The following OXR1 variants were observed in gnomAD, a reference collection of about 807,000 sequenced individuals.
The protein encoded by OXR1 is oxidation resistance 1.
OXR1 carries 41 observed loss-of-function variants against 104.6 expected under a neutral mutation model. The observed-to-expected ratio is 0.39, with a 90% CI of 0.31 to 0.51. OXR1 has a LOEUF of 0.51. OXR1 is among the 20% of genes least tolerant of loss of function. OXR1 has a pLI of 0.77. For synonymous variants in OXR1, 348 were observed against 348.4 expected (o/e 1.00, Z 0.01); for missense variants, 955 against 1,031.9 (o/e 0.93, Z 1.02).
rs1448032775 is a variant in OXR1, at chr8:106,277,429, C to T, written c.-139+7062C>T. The stretch of plus-strand genomic sequence containing the variant: ...CTGGCACCCTCTTTGTCCTTGTACT[C>T]TGCTAATTCCACCACACTTCAGCTG... On this transcript the variant is annotated intron_variant, in intron 1 of 16. Transcript: ENST00000517566. Among the ~76,000 whole-genome samples, 3 of 152,216 alleles carry T rather than the reference C, an allele frequency of 2.0e-5. 1 individual carries two copies. Among genetic ancestry groups the T allele is most frequent in the South Asian group, 4.1e-4 (2 of 4,828 alleles).
chr8:106,721,472 C>T (rs1331976118), intron 11 of OXR1, among the ~76,000 whole-genome samples: 1 of 152,020 alleles, frequency 6.6e-6, no homozygotes, highest in Non-Finnish European at 1.5e-5. Context: ...GGGTGTGTAA[C>T]AGTATTTTTC....
chr8:106,313,008 T>A (rs1813773507), intron 1 of OXR1, among the ~76,000 whole-genome samples: 1 of 152,182 alleles, frequency 6.6e-6, no homozygotes, highest in Non-Finnish European at 1.5e-5. Flanking sequence ...AAAGTGATTA[T>A]TAGAAACGTG....
rs1274594778 is a variant in OXR1 at position 106,697,719 on chromosome 8, T to C, written c.675+4842T>C. On this transcript the variant is annotated intron_variant, in intron 7 of 16. Transcript: ENST00000517566. ...TGTTAATGCCATAGCGCTCAGCTGC[T>C]TGCAGGAACTGAGAGATCTTCTCCA... 6 of 1,613,946 alleles carry C rather than the reference T, an allele frequency of 3.7e-6. No individual in the cohort carries two copies. The Admixed American group carries it at 1.0e-4, about 27-fold the overall frequency.
chr8:106,615,003 T>A (rs1586900776), intron 3 of OXR1, among the ~76,000 whole-genome samples: 1 of 152,142 alleles, frequency 6.6e-6, no homozygotes, highest in South Asian at 2.1e-4. Context: ...GTGTATGAGT[T>A]TTATTGTTAC....
At chr8:106,564,052 G>T (rs1018417689) in intron 3 of OXR1, among the ~76,000 whole-genome samples, 2 of 151,938 alleles carry the variant, frequency 1.3e-5, no homozygotes, top group Non-Finnish European at 2.9e-5. Context: ...ACATTGAATC[G>T]ACATCCTAAG....
At chr8:106,597,847 AT>A (rs1162451667) in intron 3 of OXR1, among the ~76,000 whole-genome samples, 2 of 152,052 alleles carry the variant, frequency 1.3e-5, no homozygotes, top group African/African-American at 2.4e-5. Context: ...TCTCTTGCTA[AT>A]TTCCTCTTTA....
intron 2 of OXR1, among the ~76,000 whole-genome samples, chr8:106,475,919 C>T (rs1220078470): frequency 6.6e-6 from 1 of 151,868 alleles, no homozygotes; most frequent in African/African-American, 2.4e-5. Context: ...CAATCTCTTT[C>T]ATGAGTTCTT....
intron 1 of OXR1, among the ~76,000 whole-genome samples, chr8:106,285,270 G>T (rs183082665): frequency 2.0e-5 from 3 of 152,148 alleles, no homozygotes; most frequent in Non-Finnish European, 4.4e-5. Flanking sequence ...GCAATCTTTA[G>T]ATCATTTGAG....
At chr8:106,503,659 G>C (rs1287515224) in intron 2 of OXR1, among the ~76,000 whole-genome samples, 2 of 152,206 alleles carry the variant, frequency 1.3e-5, no homozygotes, top group Non-Finnish European at 2.9e-5. Flanking sequence ...GACTACAGCT[G>C]CTTGGAGACC....
chr8:106,738,407 A>T (rs1278100033), intron 12 of OXR1, among the ~76,000 whole-genome samples: 2 of 152,070 alleles, frequency 1.3e-5, no homozygotes, highest in Admixed American at 1.3e-4. Context: ...AAAACAATAC[A>T]CTTATAGAAC....
At chr8:106,402,124 A>G (rs2130478031) in intron 2 of OXR1, among the ~76,000 whole-genome samples, 1 of 152,308 alleles carries the variant, frequency 6.6e-6, no homozygotes, top group Non-Finnish European at 1.5e-5. Flanking sequence ...ATCTGGCACA[A>G]CAGCTGCAAT....
intron 1 of OXR1, among the ~76,000 whole-genome samples, chr8:106,291,904 A>G (rs1401775365): frequency 6.6e-6 from 1 of 152,162 alleles, no homozygotes; most frequent in Non-Finnish European, 1.5e-5. Flanking sequence ...GAGAACAGCA[A>G]GGGAAAAACC....
chr8:106,527,060 TC>T (rs1813741514), intron 3 of OXR1, among the ~76,000 whole-genome samples: 1 of 152,200 alleles, frequency 6.6e-6, no homozygotes, highest in Admixed American at 6.5e-5. Context: ...ACCTTTATAT[TC>T]CTCCTGCTAG....
At chr8:106,452,036 AGAGGC>A (rs1820340502) in intron 2 of OXR1, among the ~76,000 whole-genome samples, 1 of 152,192 alleles carries the variant, frequency 6.6e-6, no homozygotes, top group East Asian at 1.9e-4. Context: ...TTGGGGTCCC[AGAGGC>A]TAGCCGACAT....
At chr8:106,330,976 A>G (rs1229234182) in intron 1 of OXR1, among the ~76,000 whole-genome samples, 1 of 152,250 alleles carries the variant, frequency 6.6e-6, no homozygotes, top group Non-Finnish European at 1.5e-5. Context: ...TTAAAAGGAG[A>G]AAAGTATGAA....
At chr8:106,359,765 TC>T in intron 2 of OXR1, 129 bp downstream of exon 2, 1 of 707,604 alleles carries the variant, frequency 1.4e-6, no homozygotes, top group Non-Finnish European at 2.5e-6. Flanking sequence ...AAGATTATTG[TC>T]CCATGTTAGC....
intron 3 of OXR1, among the ~76,000 whole-genome samples, chr8:106,555,659 C>T (rs546349610): frequency 1.3e-5 from 2 of 151,976 alleles, no homozygotes; most frequent in Admixed American, 1.3e-4. Flanking sequence ...GAGTAGTAGA[C>T]AATTAAGTCC....
chr8:106,464,225 T>C (rs1007173159), intron 2 of OXR1, among the ~76,000 whole-genome samples: 4 of 152,070 alleles, frequency 2.6e-5, no homozygotes, highest in Non-Finnish European at 5.9e-5. Flanking sequence ...GTTAATGCTT[T>C]AAAAACATTT....
intron 1 of OXR1, among the ~76,000 whole-genome samples, chr8:106,328,752 A>G (rs577104038): frequency 1.4e-4 from 21 of 152,338 alleles, no homozygotes; most frequent in African/African-American, 5.1e-4. Context: ...GATCACCACC[A>G]TCCTTTCAGA....
Sources: gnomAD v4.1 joint callset for allele counts (sites outside exome capture counted in the v4.1 genomes callset) on GRCh38, gnomAD v4.1.1 for gene constraint, MANE v1.5 for transcripts, NCBI Gene and HGNC (gene_info 2026-07-23, HGNC 2026-07-21) for gene names.